SLC38A12: variants seen among roughly 807,000 people sequenced by gnomAD.
The protein encoded by SLC38A12 is putative sodium-coupled neutral amino acid transporter 12.
At chr17:74,827,119 ACTCAGC>A in the SLC38A12 span, among the ~76,000 whole-genome samples, 2 of 151,890 alleles carry the variant, frequency 1.3e-5, no homozygotes, top group Non-Finnish European at 2.9e-5. This position sits in a 1 kb window ranked among gnomAD's most constrained non-coding sequence, Gnocchi z 4.7. Context: ...CTAGATGAGA[ACTCAGC>A]ACTGACACAG....
the SLC38A12 span, chr17:74,838,270 T>C: frequency 8.1e-6 from 8 of 985,596 alleles, no homozygotes; most frequent in African/African-American, 1.4e-4. Context: ...AAATGCCCCT[T>C]CTCCATCTAT....
chr17:74,776,582 T>TGGGTCGGGTC, the SLC38A12 span: 4 of 91,456 alleles, frequency 4.4e-5, no homozygotes, highest in East Asian at 3.7e-4. Flanking sequence ...CTGCAGGTGT[T>TGGGTCGGGTC]GGGTCGGGTC....
chr17:74,785,430 G>A, the SLC38A12 span: 3 of 1,591,046 alleles, frequency 1.9e-6, no homozygotes, highest in Non-Finnish European at 2.6e-6. Context: ...GAGCTGTTAA[G>A]GGGAGAAGTT....
chr17:74,815,936 C>T, the SLC38A12 span, among the ~76,000 whole-genome samples: 495 of 152,274 alleles, frequency 3.3e-3, 3 homozygotes, highest in African/African-American at 0.011. Flanking sequence ...TCAGCAAAGC[C>T]ACGTCCTGTC....
chr17:74,837,380 G>C, the SLC38A12 span: 1 of 985,444 alleles, frequency 1.0e-6, no homozygotes, highest in African/African-American at 1.7e-5. Flanking sequence ...CTTCTACAGG[G>C]ACACAGCCGC....
the SLC38A12 span, among the ~76,000 whole-genome samples, chr17:74,834,118 C>T: frequency 1.1e-4 from 17 of 152,144 alleles, no homozygotes; most frequent in Non-Finnish European, 2.5e-4. Flanking sequence ...TGCACACCCC[C>T]CTCTACCCAC....
At chr17:74,823,532 G>C in the SLC38A12 span, among the ~76,000 whole-genome samples, 1 of 152,254 alleles carries the variant, frequency 6.6e-6, no homozygotes, top group South Asian at 2.1e-4. Context: ...AAAACTCAAA[G>C]CATGGATGAC....
chr17:74,829,105 C>T, the SLC38A12 span, among the ~76,000 whole-genome samples: 11 of 152,258 alleles, frequency 7.2e-5, no homozygotes, highest in Middle Eastern at 3.4e-3. The surrounding 1 kb of genome is among the most constrained non-coding windows in gnomAD (Gnocchi z 4.1). Flanking sequence ...GGATACTTTA[C>T]GTTCCTTTTC....
the SLC38A12 span, chr17:74,836,116 T>C: frequency 1.2e-6 from 2 of 1,613,886 alleles, no homozygotes; most frequent in Non-Finnish European, 1.7e-6. This position sits in a 1 kb window ranked among gnomAD's most constrained non-coding sequence, Gnocchi z 4.2. Context: ...ACAAGGCTGG[T>C]GTTCCTGGAC....
the SLC38A12 span, chr17:74,836,787 C>T: frequency 1.6e-5 from 23 of 1,480,638 alleles, no homozygotes; most frequent in Non-Finnish European, 1.9e-5. This position sits in a 1 kb window ranked among gnomAD's most constrained non-coding sequence, Gnocchi z 4.2. Context: ...CTTCATGGGG[C>T]AGGTGGGACT....
At chr17:74,790,889 C>T in the SLC38A12 span, 11 of 1,480,590 alleles carry the variant, frequency 7.4e-6, 1 homozygote, top group African/African-American at 1.1e-4. Flanking sequence ...CAGTGAGGTC[C>T]TCACCACCCT....
At chr17:74,836,447 C>G in the SLC38A12 span, 2 of 1,608,152 alleles carry the variant, frequency 1.2e-6, no homozygotes, top group Non-Finnish European at 8.5e-7. This position sits in a 1 kb window ranked among gnomAD's most constrained non-coding sequence, Gnocchi z 4.2. Context: ...GCACCCACGA[C>G]CTGGAGTCCC....
the SLC38A12 span, among the ~76,000 whole-genome samples, chr17:74,797,961 T>G: frequency 6.5e-4 from 99 of 152,354 alleles, no homozygotes; most frequent in Non-Finnish European, 1.2e-3. Flanking sequence ...CTGGTCATTC[T>G]GTTTCAGAAG....
the SLC38A12 span, chr17:74,836,568 A>T: frequency 6.2e-7 from 1 of 1,613,068 alleles, no homozygotes; most frequent in South Asian, 1.1e-5. This position sits in a 1 kb window ranked among gnomAD's most constrained non-coding sequence, Gnocchi z 4.2. Flanking sequence ...CTGTGGGGTC[A>T]GCAACAAGCA....
the SLC38A12 span, chr17:74,838,697 A>C: frequency 7.0e-7 from 1 of 1,430,696 alleles, no homozygotes; most frequent in Non-Finnish European, 9.1e-7. Flanking sequence ...AGATGAGGTC[A>C]CCTTCCTCTC....
chr17:74,793,871 T>TC, the SLC38A12 span, among the ~76,000 whole-genome samples: 5 of 151,776 alleles, frequency 3.3e-5, no homozygotes, highest in South Asian at 2.1e-4. Flanking sequence ...CTTAGTCTTT[T>TC]CCCCCCCAGG....
At chr17:74,790,479 C>T in the SLC38A12 span, among the ~76,000 whole-genome samples, 8 of 152,260 alleles carry the variant, frequency 5.3e-5, no homozygotes, top group Admixed American at 4.6e-4. Flanking sequence ...CAGGCCTGGC[C>T]CCTGCTGGCT....
chr17:74,823,300 G>A, the SLC38A12 span, among the ~76,000 whole-genome samples: 78 of 152,202 alleles, frequency 5.1e-4, no homozygotes, highest in Non-Finnish European at 9.1e-4. Context: ...GTGCTGAGCC[G>A]GAAACTTTCT....
At chr17:74,795,510 A>C in the SLC38A12 span, 1 of 1,612,676 alleles carries the variant, frequency 6.2e-7, no homozygotes, top group Non-Finnish European at 8.5e-7. Context: ...GCCTGCTGTC[A>C]TTCTCTTTAT....
Sources: allele counts gnomAD v4.1 joint callset (sites outside exome capture counted in the v4.1 genomes callset), GRCh38; gene constraint gnomAD v4.1.1; non-coding constraint Gnocchi (gnomAD v3.1); transcripts MANE v1.5; gene names NCBI Gene and HGNC (gene_info 2026-07-23, HGNC 2026-07-21).